The following KIAA1191 variants were observed in gnomAD, a reference collection of about 807,000 sequenced individuals.
KIAA1191 encodes the protein putative monooxygenase p33MONOX.
In KIAA1191, 22 loss-of-function variants were observed where a neutral mutation model predicts 31.1. The ratio of observed to expected loss-of-function variants is 0.71; its 90% confidence interval spans 0.51 to 1.01. The LOEUF (loss-of-function observed/expected upper bound fraction) is 1.01, where lower values mean the gene tolerates loss of function less well. Among genes scored for constraint, KIAA1191 ranks in the 50% least tolerant of loss-of-function variants. The pLI is 0.00. For missense variants in KIAA1191, 319 were observed against 388.0 expected (o/e 0.82, Z 1.49); for synonymous variants, 130 against 143.9 (o/e 0.90, Z 0.69).
Position 176,347,805 on chromosome 5 carries a change from C to G in KIAA1191, c.713G>C (p.Ser238Thr), listed in dbSNP as rs550630099. 1 of 1,600,032 alleles carries G rather than the reference C, an allele frequency of 6.2e-7. No homozygotes were observed. The highest frequency in any genetic ancestry group is 2.2e-5 in the East Asian group (1 of 44,730). ...TCCTCGGTAGGCCTGGGTGGCAAAA[C>G]TTCCTACAAAAGTGAACCAGAGTGC... ...PRSLQKYDSGSFATQAYRGAQ... is the reference protein window; with the variant it reads ...PRSLQKYDSGTFATQAYRGAQ... The change falls in exon 9 of 9, where the codon AGT becomes ACT. Residue 238 changes from serine to threonine, a missense_variant. Ser to Thr is a moderately conservative substitution (Grantham distance 58). Transcript: ENST00000298569.
intron 3 of KIAA1191, among the ~76,000 whole-genome samples, chr5:176,359,010 G>A (rs1337148977): frequency 6.6e-6 from 1 of 151,492 alleles, no homozygotes; most frequent in Non-Finnish European, 1.5e-5. Context: ...TGTGAACCCG[G>A]GAGGCGGAGC....
intron 4 of KIAA1191, 84 bp from the exon 5 acceptor site, chr5:176,352,832 T>TACTG: frequency 7.1e-7 from 1 of 1,401,450 alleles, no homozygotes; most frequent in Non-Finnish European, 9.5e-7. Flanking sequence ...GGGAGGAAGT[T>TACTG]ACTGAAATAA....
chr5:176,349,525 AGCTGGGCAT>A (rs1484665622), intron 6 of KIAA1191, among the ~76,000 whole-genome samples: 1 of 152,150 alleles, frequency 6.6e-6, no homozygotes, highest in East Asian at 1.9e-4. Flanking sequence ...ACTAAAAATC[AGCTGGGCAT>A]GGTGGCGCAT....
intron 1 of KIAA1191, among the ~76,000 whole-genome samples, chr5:176,360,541 C>T (rs142230155): frequency 0.026 from 3,958 of 152,106 alleles, 70 homozygotes; most frequent in Middle Eastern, 0.075. Context: ...TGGCTCACGC[C>T]TGTAATCCCA....
Position 176,355,515 on chromosome 5 carries a change from G to A in KIAA1191, c.207+56C>T. 2 of 1,547,132 alleles carry A rather than the reference G, an allele frequency of 1.3e-6. No individual in the cohort carries two copies. Among genetic ancestry groups the A allele is most frequent in the Non-Finnish European group, 1.8e-6 (2 of 1,134,302 alleles). On this transcript the variant is annotated intron_variant, in intron 4 of 8. Transcript: ENST00000298569. This position sits in a 1 kb window ranked among gnomAD's most constrained non-coding sequence, Gnocchi z 4.2. ...CAGGGAGCCACTGAAGGCTTCTGGA[G>A]CAGAGGAAGGACAAAGGGGTTGCGT... is the stretch of plus-strand genomic sequence containing the variant.
chr5:176,360,397 C>G (rs1354544546), intron 1 of KIAA1191, among the ~76,000 whole-genome samples: 2 of 151,868 alleles, frequency 1.3e-5, no homozygotes, highest in Non-Finnish European at 2.9e-5. Flanking sequence ...ACCTTGCGAT[C>G]CGCCCACCTC....
At chr5:176,360,346 T>C (rs1190405657) in intron 1 of KIAA1191, among the ~76,000 whole-genome samples, 3 of 151,646 alleles carry the variant, frequency 2.0e-5, no homozygotes, top group African/African-American at 4.8e-5. Context: ...TTAGTAGAGA[T>C]GGGGTTTCAC....
At position 176,348,289 on chromosome 5, in the gene KIAA1191, G is replaced by T. The variant is rs1766695749; in HGVS notation, c.527C>A (p.Pro176Gln). 6.2e-7 allele frequency: 1 copy of T among 1,613,632 alleles called. No individual in the cohort carries two copies. Among genetic ancestry groups the T allele is most frequent in the African/African-American group, 1.3e-5 (1 of 74,776 alleles). The change falls in exon 7 of 9, where the codon CCA becomes CAA. Residue 176 changes from proline (P) to glutamine (Q), a missense_variant. By Grantham distance (76) the Pro-to-Gln change is moderately conservative. Coordinates refer to ENST00000298569, the MANE Select transcript of KIAA1191 (RefSeq NM_020444.5). The part of the protein sequence containing the change: ...ERQPASAQST[P>Q]STTPHSSPKQ... ...AGGTGAAGAGTGCGGAGTGGTGCTT[G>T]GGGTGGACTGGGCTGATGCAGGCTG...
chr5:176,359,568 C>A lies in KIAA1191; in HGVS notation c.-59-1G>T. On this transcript the variant is annotated splice_acceptor_variant, in intron 2 of 8. Transcript: ENST00000298569. LOFTEE classifies it low-confidence loss of function (5UTR_SPLICE). ...GAATTCCGAGCTGAGTCCCTGCCAC[C>A]TAATAAAATAACAAAGGGCATTTTC... is the stretch of plus-strand genomic sequence containing the variant. 7.4e-7 allele frequency: 1 copy of A among 1,347,660 alleles called. No homozygotes were observed. The highest frequency in any genetic ancestry group is 1.1e-6 in the Non-Finnish European group (1 of 937,966). The allele number at this position is 1,347,660 out of a possible 1,614,324, so 83.5% of individuals were successfully genotyped here.
intron 3 of KIAA1191, among the ~76,000 whole-genome samples, chr5:176,356,547 GA>G (rs1331258457): frequency 1.3e-5 from 2 of 152,162 alleles, no homozygotes; most frequent in Non-Finnish European, 1.5e-5. Flanking sequence ...TTCCATCACA[GA>G]AATTATTGAC....
At chr5:176,352,587 T>C (rs750441011) in intron 5 of KIAA1191, 35 bp downstream of exon 5, 1 of 1,607,534 alleles carries the variant, frequency 6.2e-7, no homozygotes, top group East Asian at 2.2e-5. Context: ...TCCCTGCCCC[T>C]ATGGCACTCT....
intron 3 of KIAA1191, chr5:176,357,376 A>G (rs939228404): frequency 4.5e-4 from 69 of 152,322 alleles, no homozygotes; most frequent in African/African-American, 1.6e-3. Flanking sequence ...TGAATATACT[A>G]AAAATCACGA....
intron 5 of KIAA1191, among the ~76,000 whole-genome samples, chr5:176,352,164 AAAAC>A (rs1234017849): frequency 1.3e-5 from 2 of 149,880 alleles, no homozygotes; most frequent in African/African-American, 4.9e-5. Context: ...TAAAAAAAAA[AAAAC>A]AAAAAAAAAA....
At chr5:176,351,807 G>A (rs1767036298) in intron 5 of KIAA1191, among the ~76,000 whole-genome samples, 1 of 151,776 alleles carries the variant, frequency 6.6e-6, no homozygotes, top group South Asian at 2.1e-4. Context: ...CTGGACCTTT[G>A]GTTCTTGGTG....
chr5:176,356,602 A>G (rs746434258), intron 3 of KIAA1191, among the ~76,000 whole-genome samples: 7 of 152,156 alleles, frequency 4.6e-5, no homozygotes, highest in Non-Finnish European at 7.3e-5. Flanking sequence ...ATTCCTGTCC[A>G]CTGGAACTGA....
chr5:176,348,985 C>T (rs1429632365), intron 6 of KIAA1191: 2 of 152,606 alleles, frequency 1.3e-5, no homozygotes, highest in African/African-American at 2.4e-5. Context: ...TCCCTCCAGG[C>T]CTGCCACGCC....
At position 176,355,375 on chromosome 5, in the gene KIAA1191, C is replaced by G. The variant is rs112198040; in HGVS notation, c.207+196G>C. ...AACAACACCTCGGGTAACCCTAAAGCTACTGATTTTTTTTTTAACAAAATA... is the reference window on the plus strand; with the variant it reads ...AACAACACCTCGGGTAACCCTAAAGGTACTGATTTTTTTTTTAACAAAATA... On this transcript the variant is annotated intron_variant, in intron 4 of 8. Transcript: ENST00000298569. This position sits in a 1 kb window ranked among gnomAD's most constrained non-coding sequence, Gnocchi z 4.2. Among the ~76,000 whole-genome samples the G allele has an allele frequency of 4.6e-5, 7 of 150,560 alleles. 1 individual carries two copies. Among genetic ancestry groups the G allele is most frequent in the African/African-American group, 1.7e-4 (7 of 40,816 alleles).
rs751419714 is a variant in KIAA1191 at position 176,350,669 on chromosome 5, G to A, written c.403C>T (p.His135Tyr). 5 of 1,613,938 alleles carry A rather than the reference G, an allele frequency of 3.1e-6. No homozygotes were observed. The highest frequency in any genetic ancestry group is 3.3e-5 in the Admixed American group (2 of 59,990). The part of the protein sequence containing the change: ...AGLRDAGYTP[H>Y]KGLTTEETKY... ...GTCTCCTCGGTGGTGAGGCCCTTGT[G>A]GGGTGTGTAGCCAGCATCTCTCAGC... Residue 135 changes from histidine (H) to tyrosine (Y), a missense_variant, in exon 6 of 9, where the codon CAC becomes TAC. His to Tyr is a moderately conservative substitution (Grantham distance 83). Transcript: ENST00000298569.
intron 3 of KIAA1191, chr5:176,357,403 T>A (rs918337324): frequency 1.3e-5 from 2 of 152,180 alleles, no homozygotes; most frequent in African/African-American, 2.4e-5. Flanking sequence ...TCACTTTCAG[T>A]GGGTGAATTT....
Sources: gnomAD v4.1 joint callset for allele counts (sites outside exome capture counted in the v4.1 genomes callset) on GRCh38, gnomAD v4.1.1 for gene constraint, Gnocchi (gnomAD v3.1) non-coding constraint, MANE v1.5 for transcripts, NCBI Gene and HGNC (gene_info 2026-07-23, HGNC 2026-07-21) for gene names.